The following ZMIZ1 variants were observed in gnomAD, a reference collection of about 807,000 sequenced individuals.
ZMIZ1 encodes the protein zinc finger MIZ-type containing 1.
Under a neutral mutation model 113.9 loss-of-function variants are expected in ZMIZ1, and 17 were observed. The observed-to-expected ratio is 0.15, with a 90% CI of 0.10 to 0.22. The LOEUF (loss-of-function observed/expected upper bound fraction) is 0.22, where lower values mean the gene tolerates loss of function less well. Among genes scored for constraint, ZMIZ1 ranks in the 10% least tolerant of loss-of-function variants. The probability of loss-of-function intolerance (pLI) is 1.00; values close to 1 mark genes in which losing one functional copy is unlikely to be tolerated. For synonymous variants in ZMIZ1, 607 were observed against 603.1 expected, an observed-to-expected ratio of 1.01 and a Z score of -0.09; for missense variants, 1,059 against 1,477.8, an observed-to-expected ratio of 0.72 and a Z score of 4.65.
intron 3 of ZMIZ1, among the ~76,000 whole-genome samples, chr10:79,159,387 T>A (rs553747966): frequency 4.6e-5 from 7 of 152,332 alleles, no homozygotes; most frequent in Admixed American, 2.6e-4. Flanking sequence ...TGAGCCCCCC[T>A]TTCGCAGCAT....
chr10:79,242,649 G>A (rs1849904921), intron 7 of ZMIZ1, among the ~76,000 whole-genome samples: 1 of 151,730 alleles, frequency 6.6e-6, no homozygotes, highest in African/African-American at 2.4e-5. Context: ...CACTTGGGAG[G>A]ATTCGCTGGG....
At chr10:79,177,016 GC>G (rs908948259) in intron 4 of ZMIZ1, among the ~76,000 whole-genome samples, 10 of 152,196 alleles carry the variant, frequency 6.6e-5, no homozygotes, top group African/African-American at 1.7e-4. Context: ...CCCACAAGAG[GC>G]CCCCTGGGTC....
intron 4 of ZMIZ1, among the ~76,000 whole-genome samples, chr10:79,175,654 A>G (rs1177498794): frequency 2.2e-5 from 3 of 136,228 alleles, no homozygotes; most frequent in Admixed American, 7.3e-5. Context: ...ACCCGCATGT[A>G]TGTGTCCCTC....
intron 7 of ZMIZ1, among the ~76,000 whole-genome samples, chr10:79,233,500 A>G (rs1350111158): frequency 6.6e-6 from 1 of 152,206 alleles, no homozygotes; most frequent in Non-Finnish European, 1.5e-5. Context: ...CCATTCATGA[A>G]GGTGTATTCC....
At chr10:79,076,054 C>G (rs1478021531) in intron 1 of ZMIZ1, among the ~76,000 whole-genome samples, 1 of 152,196 alleles carries the variant, frequency 6.6e-6, no homozygotes, top group Non-Finnish European at 1.5e-5. Flanking sequence ...CACTGTGAAC[C>G]TCTCTGACTC....
At position 79,069,121 on chromosome 10, in the gene ZMIZ1, C is replaced by T. The variant is rs2132133973; in HGVS notation, c.-486C>T. 1 of 150,338 alleles carries T rather than the reference C, an allele frequency of 6.7e-6. No homozygotes were observed. Among genetic ancestry groups the T allele is most frequent in the Non-Finnish European group, 1.5e-5 (1 of 67,220 alleles). 9.3% of individuals were successfully genotyped at this position (150,338 alleles called of 1,614,324 possible). On this transcript the variant is annotated 5_prime_UTR_variant, in exon 1 of 25. Transcript: ENST00000334512. The surrounding 1 kb of genome is among the most constrained non-coding windows in gnomAD (Gnocchi z 4.6). ...GCGAGCGAGCAACGCCGGCGCAGCG[C>T]GGTGACCCCAGCCCCAGCCGGCGCG... is the stretch of plus-strand genomic sequence containing the variant.
In ZMIZ1 at chr10:79,225,563, CA is replaced by C. The variant is rs59690398; in HGVS notation, c.280+9296del. 5.9e-5 allele frequency among the ~76,000 whole-genome samples: 9 copies of C among 151,508 alleles called. No individual in the cohort carries two copies. The South Asian group carries it at 1.3e-3, about 21-fold the overall frequency. On this transcript the variant is annotated intron_variant, in intron 7 of 24. Coordinates refer to ENST00000334512, the MANE Select transcript of ZMIZ1 (RefSeq NM_020338.4). ...TGGACATCATAGTGAGACATCTCTA[CA>C]AAAAAATTTTTTTAATTAAAAAAAA...
At chr10:79,181,382 GT>G (rs1020003718) in intron 4 of ZMIZ1, among the ~76,000 whole-genome samples, 1 of 152,220 alleles carries the variant, frequency 6.6e-6, no homozygotes, top group African/African-American at 2.4e-5. Context: ...CACTGGTGCC[GT>G]TTGTAGCCTT....
chr10:79,130,983 G>C lies in ZMIZ1; in HGVS notation c.-226-8699G>C, dbSNP rs1412204783. Among the ~76,000 whole-genome samples the C allele has an allele frequency of 2.6e-5, 4 of 152,076 alleles. No homozygotes were observed. In the South Asian group the frequency reaches 8.3e-4, roughly 32 times the overall value. ...TGTCTTCCTCCTGCTCTAGCATCCC[G>C]CTGCACCCCCGCCTGACATCTCCTG... On this transcript the variant is annotated intron_variant, in intron 2 of 24. Coordinates refer to ENST00000334512, the MANE Select transcript of ZMIZ1 (RefSeq NM_020338.4).
intron 4 of ZMIZ1, among the ~76,000 whole-genome samples, chr10:79,197,714 C>A (rs1847902633): frequency 6.6e-6 from 1 of 152,024 alleles, no homozygotes; most frequent in African/African-American, 2.4e-5. Context: ...GATTCTAGAG[C>A]TGGCTCCTAT....
chr10:79,188,955 G>A (rs1045364330), intron 4 of ZMIZ1, among the ~76,000 whole-genome samples: 32 of 152,166 alleles, frequency 2.1e-4, no homozygotes, highest in African/African-American at 7.7e-4. Context: ...CACCTCCTGG[G>A]ACCTGGTTTC....
chr10:79,099,374 C>T (rs989680773), intron 1 of ZMIZ1, among the ~76,000 whole-genome samples: 1 of 152,172 alleles, frequency 6.6e-6, no homozygotes, highest in African/African-American at 2.4e-5. Context: ...AAAGGTCCTT[C>T]CCCCTCCCCA....
chr10:79,148,270 G>C (rs1272902641), intron 3 of ZMIZ1, among the ~76,000 whole-genome samples: 2 of 152,228 alleles, frequency 1.3e-5, no homozygotes, highest in African/African-American at 4.8e-5. Context: ...TGGGCCCAGG[G>C]CCAGGCCCAG....
intron 3 of ZMIZ1, among the ~76,000 whole-genome samples, chr10:79,151,916 C>T (rs1047925945): frequency 6.6e-6 from 1 of 152,168 alleles, no homozygotes; most frequent in Admixed American, 6.5e-5. Flanking sequence ...CATCTGGCTG[C>T]GTGCTGTGCT....
In ZMIZ1 at chr10:79,305,244, C is replaced by T; in HGVS notation, c.2354+13C>T. The T allele has an allele frequency of 1.2e-6, 2 of 1,613,700 alleles. No individual in the cohort carries two copies. Among genetic ancestry groups the T allele is most frequent in the Admixed American group, 1.7e-5 (1 of 60,004 alleles). On this transcript the variant is annotated intron_variant, in intron 20 of 24. Coordinates refer to ENST00000334512, the MANE Select transcript of ZMIZ1 (RefSeq NM_020338.4). Reference sequence around the variant, plus strand: ...GTCCTGTGTGCAAGTGAGTGATGCCCACCCCGGTGGGGGCTTCCCCCATCC... The same window carrying T: ...GTCCTGTGTGCAAGTGAGTGATGCCTACCCCGGTGGGGGCTTCCCCCATCC...
intron 1 of ZMIZ1, among the ~76,000 whole-genome samples, chr10:79,110,670 C>G (rs1205502801): frequency 6.6e-6 from 1 of 152,224 alleles, no homozygotes; most frequent in Non-Finnish European, 1.5e-5. Flanking sequence ...TTACCCCTGT[C>G]TCTTCTGAAC....
At position 79,298,573 on chromosome 10, in the gene ZMIZ1, A is replaced by C; in HGVS notation, c.1659A>C (p.Pro553=). ...AGCCAAATATGAGCGCTCTGCCACC[A>C]CCCCCAGGTGAGGGCCCTCCCTCCC... ...DIKPNMSALP[P]PPANHNDELR... Residue 553 remains proline (P), a synonymous_variant, in exon 15 of 25, where the codon CCA becomes CCC. Transcript: ENST00000334512. 6.3e-7 allele frequency: 1 copy of C among 1,593,722 alleles called. No homozygotes were observed. The highest frequency in any genetic ancestry group is 8.5e-7 in the Non-Finnish European group (1 of 1,172,468).
intron 7 of ZMIZ1, among the ~76,000 whole-genome samples, chr10:79,249,290 C>T (rs1187476351): frequency 1.3e-5 from 2 of 152,238 alleles, no homozygotes; most frequent in East Asian, 3.8e-4. Context: ...CAGCGCTGTA[C>T]ATCAGTAGCT....
chr10:79,126,597 C>T (rs1204919908), intron 2 of ZMIZ1, among the ~76,000 whole-genome samples: 2 of 152,212 alleles, frequency 1.3e-5, no homozygotes, highest in African/African-American at 2.4e-5. Flanking sequence ...GCTAGGACTG[C>T]TCAGGGAAAG....
Sources: allele counts gnomAD v4.1 joint callset (sites outside exome capture counted in the v4.1 genomes callset), GRCh38; gene constraint gnomAD v4.1.1; non-coding constraint Gnocchi (gnomAD v3.1); transcripts MANE v1.5; gene names NCBI Gene and HGNC (gene_info 2026-07-23, HGNC 2026-07-21).